Variants in DECR2 observed in about 807,000 individuals in gnomAD.
The protein encoded by DECR2 is peroxisomal 2,4-dienoyl-CoA reductase [(3E)-enoyl-CoA-producing].
Under a neutral mutation model 29.2 loss-of-function variants are expected in DECR2, and 34 were observed. That is an observed-to-expected ratio of 1.16 (90% CI 0.89 to 1.55). The LOEUF (loss-of-function observed/expected upper bound fraction) is 1.55, where lower values mean the gene tolerates loss of function less well. Ranked by LOEUF, DECR2 falls within the 40% of genes most tolerant of loss-of-function variation. The pLI is 0.00. For missense variants in DECR2, 485 were observed against 425.3 expected, an observed-to-expected ratio of 1.14 and a Z score of -1.23; for synonymous variants, 224 against 182.7, an observed-to-expected ratio of 1.23 and a Z score of -1.82.
chr16:408,212 C>CGTCTCCGGGCCT (rs1567340983), intron 4 of DECR2, among the ~76,000 whole-genome samples: 2 of 45,028 alleles, frequency 4.4e-5, no homozygotes, highest in African/African-American at 1.5e-4. Flanking sequence ...TCTCCGGCCC[C>CGTCTCCGGGCCT]CTGTCTCCGG....
At chr16:407,768 G>GTCTCCGGCCCCATCTCCGGC (rs2054745164) in intron 4 of DECR2, among the ~76,000 whole-genome samples, 12 of 134,762 alleles carry the variant, frequency 8.9e-5, no homozygotes, top group African/African-American at 3.0e-4. Context: ...CTGTCTCCGG[G>GTCTCCGGCCCCATCTCCGGC]CCCCTGTCTC....
rs777271681 is a variant in DECR2, at chr16:410,213, C to T, written c.338-30C>T. 1 of 1,606,796 alleles carries T rather than the reference C, an allele frequency of 6.2e-7. No homozygotes were observed. Among genetic ancestry groups the T allele is most frequent in the Non-Finnish European group, 8.5e-7 (1 of 1,176,624 alleles). ...ACTTGGCATCCCTCTCCCCAGGCTC[C>T]AGCAGCTCCTGCGGTCTCCCATTCT... is the stretch of plus-strand genomic sequence containing the variant. On this transcript the variant is annotated intron_variant, in intron 4 of 8. Coordinates refer to ENST00000219481, the MANE Select transcript of DECR2 (RefSeq NM_020664.4). This position sits in a 1 kb window ranked among gnomAD's most constrained non-coding sequence, Gnocchi z 4.1.
In DECR2 at chr16:410,370, G is replaced by A. The variant is rs761302440; in HGVS notation, c.462+3G>A. 1.9e-6 allele frequency: 3 copies of A among 1,596,222 alleles called. No individual in the cohort carries two copies. Among genetic ancestry groups the A allele is most frequent in the Non-Finnish European group, 2.6e-6 (3 of 1,172,056 alleles). ...TGCTCTATGAGAAGTTCTTCCGGGT[G>A]GGTGCCTCGTGCGCTCTGTGAGAAG... On this transcript the variant is annotated splice_donor_region_variant and intron_variant, in intron 5 of 8. Coordinates refer to ENST00000219481, the MANE Select transcript of DECR2 (RefSeq NM_020664.4). The surrounding 1 kb of genome is among the most constrained non-coding windows in gnomAD (Gnocchi z 4.1).
At chr16:408,319 C>T (rs34813805) in intron 4 of DECR2, among the ~76,000 whole-genome samples, 56,175 of 147,940 alleles carry the variant, frequency 0.38, 10,868 homozygotes, top group South Asian at 0.48. Flanking sequence ...CTGTCTCTGG[C>T]CCTCTGTCTC....
intron 3 of DECR2, 31 bp downstream of exon 3, chr16:406,428 C>G: frequency 6.2e-7 from 1 of 1,603,872 alleles, no homozygotes; most frequent in Non-Finnish European, 8.5e-7. Flanking sequence ...GTCCCCTGTT[C>G]GGGTGGCTGT....
Position 407,238 on chromosome 16 carries a change from T to C in DECR2, c.202-187T>C, listed in dbSNP as rs2054735876. ...ACAGGTGGCAGGTGGGGGGAGAGCG[T>C]GGCAGGTTCCCACAAACATCCACTG... On this transcript the variant is annotated intron_variant, in intron 3 of 8. Transcript: ENST00000219481. 8 of 1,408,896 alleles carry C rather than the reference T, an allele frequency of 5.7e-6. No individual in the cohort carries two copies. In the South Asian group the frequency reaches 1.1e-4, roughly 20 times the overall value. 87.3% of individuals were successfully genotyped at this position (1,408,896 alleles called of 1,614,324 possible).
chr16:408,736 C>G (rs762711269), intron 4 of DECR2, among the ~76,000 whole-genome samples: 26 of 151,840 alleles, frequency 1.7e-4, no homozygotes, highest in Non-Finnish European at 2.9e-4. Context: ...AGGCCAGTCT[C>G]AAACTCCTAG....
chr16:408,372 TGGCCCTCTGTCTCC>T (rs1211531684), intron 4 of DECR2, among the ~76,000 whole-genome samples: 43 of 151,496 alleles, frequency 2.8e-4, no homozygotes, highest in African/African-American at 1.0e-3. Context: ...CTTCTGTCTC[TGGCCCTCTGTCTCC>T]GGCCTGACTC....
chr16:407,111 C>G, intron 3 of DECR2: 4 of 1,159,540 alleles, frequency 3.4e-6, no homozygotes, highest in Non-Finnish European at 4.3e-6. Flanking sequence ...CTGGAGCCCT[C>G]GACCTGGGAG....
At chr16:406,474 C>A in intron 3 of DECR2, 77 bp downstream of exon 3, 1 of 1,507,860 alleles carries the variant, frequency 6.6e-7, no homozygotes, top group Non-Finnish European at 9.1e-7. Flanking sequence ...CAGGAGAGTC[C>A]AGAGGCTATG....
chr16:408,292 C>T (rs1281119530), intron 4 of DECR2, among the ~76,000 whole-genome samples: 1 of 151,382 alleles, frequency 6.6e-6, no homozygotes, highest in Non-Finnish European at 1.5e-5. Context: ...CATCTCCGGC[C>T]CCCTGTCTCC....
At position 405,007 on chromosome 16, in the gene DECR2, T is replaced by C. The variant is rs1386230364; in HGVS notation, c.132T>C (p.Ile44=). 1.9e-6 allele frequency: 3 copies of C among 1,613,968 alleles called. No homozygotes were observed. The Admixed American group carries it at 5.0e-5, about 27-fold the overall frequency. Residue 44 remains isoleucine, a synonymous_variant, in exon 2 of 9, where the codon ATT becomes ATC. Coordinates refer to ENST00000219481, the MANE Select transcript of DECR2 (RefSeq NM_020664.4). ...GCGGCTCTGGGATTGGGTTCCGGATTGCTGAGATTTTCATGCGGTGAGACT... is the reference window on the plus strand; with the variant it reads ...GCGGCTCTGGGATTGGGTTCCGGATCGCTGAGATTTTCATGCGGTGAGACT... ...TGGGSGIGFR[I]AEIFMRHGCH... is the part of the protein sequence containing the mutation.
chr16:410,751 C>G lies in DECR2; in HGVS notation c.523C>G (p.Gln175Glu). The change falls in exon 6 of 9, where the codon CAG (glutamine) becomes GAG (glutamate). Residue 175 changes from glutamine (Q) to glutamate (E), a missense_variant. Physicochemically the swap from Gln to Glu is conservative, Grantham distance 29. Coordinates refer to ENST00000219481, the MANE Select transcript of DECR2 (RefSeq NM_020664.4). The surrounding 1 kb of genome is among the most constrained non-coding windows in gnomAD (Gnocchi z 4.1). ...ATLGNRGQAL[Q>E]VHAGSAKAAV... ...CCTGGGGAACCGGGGGCAGGCGCTC[C>G]AGGTGCATGCAGGCTCCGCCAAGGC... 1.9e-6 allele frequency: 3 copies of G among 1,605,476 alleles called. No individual in the cohort carries two copies. The highest frequency in any genetic ancestry group is 2.5e-6 in the Non-Finnish European group (3 of 1,177,708).
chr16:404,405 A>G (rs929745877), intron 1 of DECR2, among the ~76,000 whole-genome samples: 4 of 148,882 alleles, frequency 2.7e-5, no homozygotes, highest in Non-Finnish European at 4.5e-5. Context: ...CACCCGGCTA[A>G]TTTTTTATAT....
chr16:406,079 G>A (rs1244073788), intron 2 of DECR2, among the ~76,000 whole-genome samples: 1 of 152,214 alleles, frequency 6.6e-6, no homozygotes, highest in African/African-American at 2.4e-5. Flanking sequence ...GGCGTCTGTG[G>A]CTCACAGCTG....
chr16:410,125 C>G lies in DECR2; in HGVS notation c.338-118C>G. 7.0e-7 allele frequency: 1 copy of G among 1,427,078 alleles called. No homozygotes were observed. The highest frequency in any genetic ancestry group is 9.4e-7 in the Non-Finnish European group (1 of 1,064,304). 88.4% of individuals were successfully genotyped at this position (1,427,078 alleles called of 1,614,324 possible). ...TTATCCTAGGGCATGGGTCTCCTCC[C>G]TGTGCCACAGGGCACCTGGGCTCCC... is the stretch of plus-strand genomic sequence containing the variant. On this transcript the variant is annotated intron_variant, in intron 4 of 8. Coordinates refer to ENST00000219481, the MANE Select transcript of DECR2 (RefSeq NM_020664.4). This position sits in a 1 kb window ranked among gnomAD's most constrained non-coding sequence, Gnocchi z 4.1.
Position 410,937 on chromosome 16 carries a change from A to G in DECR2, c.557-35A>G, listed in dbSNP as rs770027504. ...GGCCCTGCGCCCTCGCAGAGGGCAGAGCGGCCCTTTCATATCCAACTTTCT... is the reference window on the plus strand; with the variant it reads ...GGCCCTGCGCCCTCGCAGAGGGCAGGGCGGCCCTTTCATATCCAACTTTCT... On this transcript the variant is annotated intron_variant, in intron 6 of 8. Coordinates refer to ENST00000219481, the MANE Select transcript of DECR2 (RefSeq NM_020664.4). This position sits in a 1 kb window ranked among gnomAD's most constrained non-coding sequence, Gnocchi z 4.1. The G allele has an allele frequency of 2.6e-6, 4 of 1,563,596 alleles. No homozygotes were observed. Among genetic ancestry groups the G allele is most frequent in the Non-Finnish European group, 3.5e-6 (4 of 1,153,776 alleles).
chr16:410,062 C>A lies in DECR2; in HGVS notation c.338-181C>A. 1.2e-6 allele frequency: 1 copy of A among 806,768 alleles called. No homozygotes were observed. The highest frequency in any genetic ancestry group is 1.9e-6 in the Non-Finnish European group (1 of 529,706). The allele number at this position is 806,768 out of a possible 1,614,324, so 50.0% of individuals were successfully genotyped here. ...GTCTTCTCTTCTCGGGGACACAGTG[C>A]AGCCAGGACGCCCGTCTTGCTCTGG... is the stretch of plus-strand genomic sequence containing the variant. On this transcript the variant is annotated intron_variant, in intron 4 of 8. Transcript: ENST00000219481. This position sits in a 1 kb window ranked among gnomAD's most constrained non-coding sequence, Gnocchi z 4.1.
rs115317717 is a variant in DECR2, at chr16:410,796, C to T, written c.556+12C>T. 11 of 1,568,906 alleles carry T rather than the reference C, an allele frequency of 7.0e-6. No individual in the cohort carries two copies. The highest frequency in any genetic ancestry group is 3.7e-5 in the Admixed American group (2 of 53,570). Reference sequence around the variant, plus strand: ...CAAGGCCGCTGTGGGTATGACCACCCCCCCCCGCCCAGGTTTGCCCACGTG... The same window carrying T: ...CAAGGCCGCTGTGGGTATGACCACCTCCCCCCGCCCAGGTTTGCCCACGTG... On this transcript the variant is annotated intron_variant, in intron 6 of 8. Coordinates refer to ENST00000219481, the MANE Select transcript of DECR2 (RefSeq NM_020664.4). The surrounding 1 kb of genome is among the most constrained non-coding windows in gnomAD (Gnocchi z 4.1).
Sources: allele counts gnomAD v4.1 joint callset (sites outside exome capture counted in the v4.1 genomes callset), GRCh38; gene constraint gnomAD v4.1.1; non-coding constraint Gnocchi (gnomAD v3.1); transcripts MANE v1.5; gene names NCBI Gene and HGNC (gene_info 2026-07-23, HGNC 2026-07-21).